Variants in KIF16B observed in about 807,000 individuals in gnomAD.
KIF16B encodes kinesin family member 16B, also known as kinesin-like protein KIF16B.
A neutral mutation model predicts 156.3 loss-of-function variants in KIF16B; 98 were observed. The observed-to-expected ratio is 0.63, with a 90% CI of 0.53 to 0.74. KIF16B has a LOEUF of 0.74. KIF16B is among the 30% of genes least tolerant of loss of function. The pLI, the probability that KIF16B is intolerant of heterozygous loss-of-function variation, is 0.00. For missense variants in KIF16B, 1,421 were observed against 1,606.5 expected, an observed-to-expected ratio of 0.88 and a Z score of 1.97; for synonymous variants, 564 against 583.7, an observed-to-expected ratio of 0.97 and a Z score of 0.49.
intron 23 of KIF16B, among the ~76,000 whole-genome samples, chr20:16,346,727 C>CT (rs2064241052): frequency 6.6e-6 from 1 of 152,170 alleles, no homozygotes; most frequent in African/African-American, 2.4e-5. Flanking sequence ...TGTGAAGGCC[C>CT]TGAGAATCTG....
intron 25 of KIF16B, among the ~76,000 whole-genome samples, chr20:16,307,131 C>T (rs2063552429): frequency 6.6e-6 from 1 of 152,056 alleles, no homozygotes. Flanking sequence ...AGAAAATTTC[C>T]TAGGATGGCT....
chr20:16,455,349 C>A (rs1344797148), intron 12 of KIF16B, among the ~76,000 whole-genome samples: 1 of 150,534 alleles, frequency 6.6e-6, no homozygotes, highest in Non-Finnish European at 1.5e-5. Flanking sequence ...CCTGGCCAAA[C>A]CCTCTGCTTA....
intron 12 of KIF16B, among the ~76,000 whole-genome samples, chr20:16,452,224 A>G (rs2067100814): frequency 6.6e-6 from 1 of 152,200 alleles, no homozygotes; most frequent in African/African-American, 2.4e-5. Flanking sequence ...AAGTGAACAA[A>G]GAGTCCAGAG....
At chr20:16,422,685 C>T (rs2066255323) in intron 15 of KIF16B, among the ~76,000 whole-genome samples, 2 of 152,062 alleles carry the variant, frequency 1.3e-5, no homozygotes, top group South Asian at 4.1e-4. Flanking sequence ...AATTTGTATA[C>T]ATAAATGAAC....
At position 16,366,052 on chromosome 20, in the gene KIF16B, AC is replaced by A. The variant is rs373923332; in HGVS notation, c.3498+4533del. Among the ~76,000 whole-genome samples, 314 of 138,808 alleles carry A rather than the reference AC, an allele frequency of 2.3e-3. 1 individual carries two copies. The highest frequency in any genetic ancestry group is 8.5e-3 in the African/African-American group (299 of 35,206). The allele number at this position is 138,808 out of a possible 152,430, so 91.1% of individuals were successfully genotyped here. ...ATTAAAAACAAATACAAAATATGTA[AC>A]CTGATAGGATTTTTGGACAGAGGGG... On this transcript the variant is annotated intron_variant, in intron 22 of 25. Coordinates refer to ENST00000354981, the MANE Select transcript of KIF16B (RefSeq NM_024704.5).
intron 19 of KIF16B, among the ~76,000 whole-genome samples, chr20:16,375,039 G>C (rs2064912874): frequency 1.3e-5 from 2 of 152,292 alleles, no homozygotes; most frequent in South Asian, 4.2e-4. Context: ...TAGGAAAGTA[G>C]GTTGAGTTCC....
intron 15 of KIF16B, among the ~76,000 whole-genome samples, chr20:16,409,992 TGTAGGTACATATATATATGTAGGTAC>T (rs2065889560): frequency 9.4e-6 from 1 of 106,824 alleles, no homozygotes; most frequent in Non-Finnish European, 1.9e-5. Context: ...TATATATATA[TGTAGGTACATATATATATGTAGGTAC>T]ATATATATAT....
At chr20:16,399,273 C>T (rs57472338) in intron 17 of KIF16B, among the ~76,000 whole-genome samples, 8,558 of 152,102 alleles carry the variant, frequency 0.056, 819 homozygotes, top group African/African-American at 0.19. Flanking sequence ...GCATTGGGAG[C>T]ACAGGTCTGG....
intron 24 of KIF16B, among the ~76,000 whole-genome samples, chr20:16,326,469 GA>G (rs905284239): frequency 3.4e-5 from 5 of 146,174 alleles, no homozygotes; most frequent in East Asian, 4.1e-4. Flanking sequence ...AAAAGAAAAA[GA>G]AAAAAAAACC....
At position 16,332,526 on chromosome 20, in the gene KIF16B, C is replaced by A. The variant is rs117566742; in HGVS notation, c.3711+3400G>T. Among the ~76,000 whole-genome samples, 671 of 152,234 alleles carry A rather than the reference C, an allele frequency of 4.4e-3. 2 individuals carry two copies. Among genetic ancestry groups the A allele is most frequent in the Non-Finnish European group, 6.1e-3 (418 of 68,008 alleles). On this transcript the variant is annotated intron_variant, in intron 24 of 25. Coordinates refer to ENST00000354981, the MANE Select transcript of KIF16B (RefSeq NM_024704.5). ...ATGAACACACGTGTTTGTGGGTTCT[C>A]CTTTATATATAACATTCTTTTGTCC...
intron 25 of KIF16B, among the ~76,000 whole-genome samples, chr20:16,280,171 T>C (rs2063124296): frequency 6.6e-6 from 1 of 152,216 alleles, no homozygotes; most frequent in South Asian, 2.1e-4. Context: ...CTTTTGGGTT[T>C]TTCTTTTGAA....
intron 23 of KIF16B, among the ~76,000 whole-genome samples, chr20:16,352,325 A>G (rs1383038287): frequency 6.6e-6 from 1 of 152,266 alleles, no homozygotes; most frequent in Non-Finnish European, 1.5e-5. Flanking sequence ...AAACCTGTCT[A>G]CTTATATATC....
At chr20:16,438,326 G>A (rs1400814759) in intron 12 of KIF16B, among the ~76,000 whole-genome samples, 1 of 152,066 alleles carries the variant, frequency 6.6e-6, no homozygotes, top group Non-Finnish European at 1.5e-5. Context: ...AAAAATAGGT[G>A]ACTACAGTGC....
At chr20:16,291,534 G>T (rs1465229844) in intron 25 of KIF16B, among the ~76,000 whole-genome samples, 1 of 152,186 alleles carries the variant, frequency 6.6e-6, no homozygotes, top group East Asian at 1.9e-4. Flanking sequence ...TAGGACACAG[G>T]AGTTAAAACA....
chr20:16,430,739 C>T (rs1048343467), intron 12 of KIF16B, among the ~76,000 whole-genome samples: 4 of 151,934 alleles, frequency 2.6e-5, no homozygotes, highest in Admixed American at 6.6e-5. Flanking sequence ...TTGACTTGAC[C>T]TGCCATCTAG....
At position 16,409,183 on chromosome 20, in the gene KIF16B, G is replaced by C. The variant is rs934579395; in HGVS notation, c.1613-2727C>G. The stretch of plus-strand genomic sequence containing the variant: ...AAACTAGAGAAGGATATCTTCAAGG[G>C]AGGTGGTGTCTAAAACAAGCTCTGA... On this transcript the variant is annotated intron_variant, in intron 15 of 25. Transcript: ENST00000354981. Among the ~76,000 whole-genome samples the C allele has an allele frequency of 3.9e-5, 6 of 152,118 alleles. No individual in the cohort carries two copies. In the East Asian group the frequency reaches 9.6e-4, roughly 24 times the overall value.
At chr20:16,522,577 T>G (rs2069391522) in intron 3 of KIF16B, among the ~76,000 whole-genome samples, 1 of 152,172 alleles carries the variant, frequency 6.6e-6, no homozygotes. Context: ...AGTGGGAGAC[T>G]TTAACACCCC....
intron 1 of KIF16B, among the ~76,000 whole-genome samples, chr20:16,539,015 C>T (rs1408802527): frequency 2.0e-5 from 3 of 152,178 alleles, no homozygotes; most frequent in Admixed American, 2.0e-4. Flanking sequence ...GAAGCAGATG[C>T]CACTATGCTT....
chr20:16,351,125 T>G (rs563259458), intron 23 of KIF16B, among the ~76,000 whole-genome samples: 1 of 152,238 alleles, frequency 6.6e-6, no homozygotes, highest in African/African-American at 2.4e-5. Context: ...AACAAACTCT[T>G]CTGCCGATTA....
Sources: gnomAD v4.1 joint callset for allele counts (sites outside exome capture counted in the v4.1 genomes callset) on GRCh38, gnomAD v4.1.1 for gene constraint, MANE v1.5 for transcripts, NCBI Gene and HGNC (gene_info 2026-07-23, HGNC 2026-07-21) for gene names.